ALOX5: variants seen among roughly 807,000 people sequenced by gnomAD.
ALOX5 encodes the protein arachidonate 5-lipoxygenase, also known as polyunsaturated fatty acid 5-lipoxygenase.
A neutral mutation model predicts 87.9 loss-of-function variants in ALOX5; 64 were observed. That is an observed-to-expected ratio of 0.73 (90% CI 0.60 to 0.90). The LOEUF (loss-of-function observed/expected upper bound fraction) is 0.90. Among genes scored for constraint, ALOX5 ranks in the 40% least tolerant of loss-of-function variants. The pLI, the probability that ALOX5 is intolerant of heterozygous loss-of-function variation, is 0.00. For synonymous variants in ALOX5, 388 were observed against 355.1 expected (o/e 1.09, Z -1.04); for missense variants, 822 against 907.5 (o/e 0.91, Z 1.21).
intron 2 of ALOX5, among the ~76,000 whole-genome samples, chr10:45,386,638 A>G (rs943666391): frequency 3.9e-5 from 6 of 152,028 alleles, no homozygotes; most frequent in Admixed American, 1.3e-4. Flanking sequence ...TCATTTTTCT[A>G]GTAATTAATT....
chr10:45,409,672 TC>T (rs1333359956), intron 3 of ALOX5, among the ~76,000 whole-genome samples: 4 of 152,170 alleles, frequency 2.6e-5, no homozygotes, highest in Admixed American at 2.0e-4. Flanking sequence ...CCTTTCTACT[TC>T]TTTGTTCCTT....
At chr10:45,433,971 G>C (rs1841989386) in intron 7 of ALOX5, among the ~76,000 whole-genome samples, 2 of 152,206 alleles carry the variant, frequency 1.3e-5, no homozygotes, top group African/African-American at 4.8e-5. Context: ...TTTCCAGAGG[G>C]AACCAAACAG....
intron 2 of ALOX5, among the ~76,000 whole-genome samples, chr10:45,391,145 C>T: frequency 6.6e-6 from 1 of 150,840 alleles, no homozygotes; most frequent in African/African-American, 2.4e-5. Context: ...GATGCCGAGC[C>T]AAAGCTGGAC....
At chr10:45,398,932 A>G (rs990698951) in intron 3 of ALOX5, among the ~76,000 whole-genome samples, 3 of 152,232 alleles carry the variant, frequency 2.0e-5, no homozygotes, top group Non-Finnish European at 2.9e-5. Flanking sequence ...GAGAGTTACA[A>G]TATGACAGCA....
chr10:45,439,468 C>T (rs1312020179), intron 7 of ALOX5, among the ~76,000 whole-genome samples: 2 of 152,224 alleles, frequency 1.3e-5, no homozygotes, highest in Non-Finnish European at 2.9e-5. Flanking sequence ...GTCAACCCCT[C>T]CAATACCCCA....
chr10:45,415,746 A>C (rs893607893), intron 4 of ALOX5, among the ~76,000 whole-genome samples: 1 of 152,192 alleles, frequency 6.6e-6, no homozygotes, highest in Non-Finnish European at 1.5e-5. Context: ...ACATGTTGCA[A>C]AAGAAAAGGA....
In ALOX5 at chr10:45,428,615, C is replaced by A; in HGVS notation, c.835-3C>A. 1 of 1,614,078 alleles carries A rather than the reference C, an allele frequency of 6.2e-7. No homozygotes were observed. Among genetic ancestry groups the A allele is most frequent in the Non-Finnish European group, 8.5e-7 (1 of 1,179,998 alleles). On this transcript the variant is annotated splice_polypyrimidine_tract_variant and splice_region_variant and intron_variant, in intron 6 of 13. Transcript: ENST00000374391. ...TTTGGACACATCTCTCTGCCTCCTG[C>A]AGCAAGGGAACATTTTCATCGTGGA...
intron 2 of ALOX5, among the ~76,000 whole-genome samples, chr10:45,395,196 G>A (rs1309045500): frequency 6.6e-6 from 1 of 152,058 alleles, no homozygotes. Flanking sequence ...GCAAAGACTT[G>A]GAACCAACCC....
intron 4 of ALOX5, among the ~76,000 whole-genome samples, chr10:45,415,869 T>G (rs559623777): frequency 7.3e-4 from 112 of 152,382 alleles, no homozygotes; most frequent in Middle Eastern, 3.4e-3. Context: ...TCTGTAGCTA[T>G]CTTCGTTTCT....
chr10:45,374,437 C>G lies in ALOX5; in HGVS notation c.150+8C>G. 5 of 1,542,534 alleles carry G rather than the reference C, an allele frequency of 3.2e-6. No individual in the cohort carries two copies. The highest frequency in any genetic ancestry group is 4.4e-6 in the Non-Finnish European group (5 of 1,148,958). On this transcript the variant is annotated splice_region_variant and intron_variant, in intron 1 of 13. Transcript: ENST00000374391. ...GACTTCGAGCGTGGCGCGGTGAGCG[C>G]GGGCGGGGCACGGGTGGAGCGCGGG...
chr10:45,395,069 C>G (rs988255354), intron 2 of ALOX5, among the ~76,000 whole-genome samples: 1 of 152,172 alleles, frequency 6.6e-6, no homozygotes, highest in South Asian at 2.1e-4. Context: ...GGATCTAGAA[C>G]TAGAAATACC....
At chr10:45,412,459 G>A (rs1841100620) in intron 4 of ALOX5, 146 bp downstream of exon 4, 1 of 1,128,420 alleles carries the variant, frequency 8.9e-7, no homozygotes, top group African/African-American at 1.6e-5. Context: ...GTTGGCCATA[G>A]AGTGGATTCT....
chr10:45,407,506 A>G (rs1485541424), intron 3 of ALOX5, among the ~76,000 whole-genome samples: 1 of 152,016 alleles, frequency 6.6e-6, no homozygotes, highest in Non-Finnish European at 1.5e-5. Flanking sequence ...GGGAGACAGC[A>G]CTATGCCTTT....
At chr10:45,417,475 C>T (rs1479551616) in intron 4 of ALOX5, among the ~76,000 whole-genome samples, 1 of 152,196 alleles carries the variant, frequency 6.6e-6, no homozygotes, top group Non-Finnish European at 1.5e-5. Flanking sequence ...TCAAGTCCAT[C>T]TGCTGGGTCC....
At chr10:45,391,497 C>T (rs988487628) in intron 2 of ALOX5, among the ~76,000 whole-genome samples, 6 of 152,282 alleles carry the variant, frequency 3.9e-5, no homozygotes, top group East Asian at 3.9e-4. Context: ...GAGATTGCAG[C>T]CTCTGCCCGG....
chr10:45,402,801 C>T (rs1001523106), intron 3 of ALOX5, among the ~76,000 whole-genome samples: 3 of 152,174 alleles, frequency 2.0e-5, no homozygotes, highest in African/African-American at 7.2e-5. Context: ...ACCTACAAAT[C>T]TTTAAGAAGG....
chr10:45,396,569 C>G (rs1363805347), intron 3 of ALOX5, among the ~76,000 whole-genome samples: 1 of 152,112 alleles, frequency 6.6e-6, no homozygotes, highest in Non-Finnish European at 1.5e-5. Context: ...CAATCACAAC[C>G]AAAGAGATTG....
chr10:45,443,199 G>T lies in ALOX5; in HGVS notation c.1434G>T (p.Val478=). 1.9e-6 allele frequency: 3 copies of T among 1,613,544 alleles called. No homozygotes were observed. Among genetic ancestry groups the T allele is most frequent in the Non-Finnish European group, 2.5e-6 (3 of 1,179,900 alleles). Residue 478 remains valine, a synonymous_variant, in exon 10 of 14, where the codon GTG becomes GTT. Transcript: ENST00000374391. ...TCTACCGGGACGACGGGCTCCTGGT[G>T]TGGGAAGCCATCAGGACGTGAGCGC... ...YYFYRDDGLL[V]WEAIRTFTAE...
intron 3 of ALOX5, among the ~76,000 whole-genome samples, chr10:45,398,004 C>T (rs531158273): frequency 3.3e-5 from 5 of 152,134 alleles, no homozygotes; most frequent in Non-Finnish European, 7.4e-5. Flanking sequence ...TCTGCAAATT[C>T]ATATGGAAAT....
Sources: gnomAD v4.1 joint callset for allele counts (sites outside exome capture counted in the v4.1 genomes callset) on GRCh38, gnomAD v4.1.1 for gene constraint, MANE v1.5 for transcripts, NCBI Gene and HGNC (gene_info 2026-07-23, HGNC 2026-07-21) for gene names.